STK10: variants seen among roughly 807,000 people sequenced by gnomAD.
STK10 encodes serine/threonine-protein kinase 10.
A neutral mutation model predicts 113.8 loss-of-function variants in STK10; 78 were observed. The ratio of observed to expected loss-of-function variants is 0.69; its 90% CI spans 0.57 to 0.83. The LOEUF (loss-of-function observed/expected upper bound fraction) is 0.83, where lower values mean the gene tolerates loss of function less well. Among genes scored for constraint, STK10 ranks in the 40% least tolerant of loss-of-function variants. STK10 has a pLI of 0.00. For synonymous variants in STK10, 465 were observed against 494.7 expected, an observed-to-expected ratio of 0.94 and a Z score of 0.80; for missense variants, 1,109 against 1,280.1, an observed-to-expected ratio of 0.87 and a Z score of 2.04.
At chr5:172,146,391 G>A (rs1370376438) in intron 2 of STK10, among the ~76,000 whole-genome samples, 1 of 152,198 alleles carries the variant, frequency 6.6e-6, no homozygotes, top group Non-Finnish European at 1.5e-5. Context: ...AACTGCTAAA[G>A]GTTCCACCAG....
intron 1 of STK10, among the ~76,000 whole-genome samples, chr5:172,180,247 A>G (rs767974041): frequency 1.4e-5 from 2 of 146,348 alleles, no homozygotes; most frequent in Non-Finnish European, 3.0e-5. Context: ...GCAGATCACC[A>G]GAAGTCAGGA....
At position 172,096,567 on chromosome 5, in the gene STK10, G is replaced by A; in HGVS notation, c.871-7C>T. The stretch of plus-strand genomic sequence containing the variant: ...TGCTGCTGACGAAGGGATGCTGAGG[G>A]GGCAAGATGCACCCAGATTAGAACC... On this transcript the variant is annotated splice_polypyrimidine_tract_variant and splice_region_variant and intron_variant, in intron 7 of 18. Coordinates refer to ENST00000176763, the MANE Select transcript of STK10 (RefSeq NM_005990.4). 1 of 1,612,548 alleles carries A rather than the reference G, an allele frequency of 6.2e-7. No individual in the cohort carries two copies. Among genetic ancestry groups the A allele is most frequent in the Non-Finnish European group, 8.5e-7 (1 of 1,180,018 alleles).
chr5:172,116,932 G>T (rs1032847423), intron 4 of STK10, among the ~76,000 whole-genome samples: 1 of 151,986 alleles, frequency 6.6e-6, no homozygotes, highest in African/African-American at 2.4e-5. Flanking sequence ...TTCCCTCTGG[G>T]GATGGAGCTG....
intron 4 of STK10, among the ~76,000 whole-genome samples, chr5:172,110,367 A>G (rs1009756653): frequency 1.7e-4 from 26 of 152,296 alleles, no homozygotes; most frequent in Admixed American, 1.6e-3. Flanking sequence ...ACACTGTTCT[A>G]GGCACAGAGA....
intron 1 of STK10, among the ~76,000 whole-genome samples, chr5:172,157,706 C>T (rs955730538): frequency 1.3e-5 from 2 of 151,970 alleles, no homozygotes; most frequent in Non-Finnish European, 2.9e-5. Flanking sequence ...ATTCTCCTGC[C>T]TCAGCCTCCC....
chr5:172,120,089 C>G lies in STK10; in HGVS notation c.371-2459G>C, dbSNP rs552360689. 1.3e-5 allele frequency among the ~76,000 whole-genome samples: 2 copies of G among 152,076 alleles called. No individual in the cohort carries two copies. Among genetic ancestry groups the G allele is most frequent in the Admixed American group, 6.5e-5 (1 of 15,268 alleles). On this transcript the variant is annotated intron_variant, in intron 3 of 18. Coordinates refer to ENST00000176763, the MANE Select transcript of STK10 (RefSeq NM_005990.4). This position sits in a 1 kb window ranked among gnomAD's most constrained non-coding sequence, Gnocchi z 4.0. ...GAGTGAGAAGATTCCAAGGTGACAG[C>G]CTTGTGCTCTGCGTCCCACAGGACT...
At chr5:172,186,164 C>T (rs1770951424) in intron 1 of STK10, among the ~76,000 whole-genome samples, 1 of 152,110 alleles carries the variant, frequency 6.6e-6, no homozygotes, top group African/African-American at 2.4e-5. Flanking sequence ...ATCCCAGCTA[C>T]TTGGGAGGCT....
At chr5:172,071,181 C>T (rs972663881) in intron 12 of STK10, among the ~76,000 whole-genome samples, 14 of 132,552 alleles carry the variant, frequency 1.1e-4, no homozygotes, top group African/African-American at 4.1e-4. Flanking sequence ...TGCTCTCCAG[C>T]CTGGGCGACA....
At chr5:172,105,921 C>T (rs757551442) in intron 6 of STK10, among the ~76,000 whole-genome samples, 184 bp from the exon 7 acceptor site, 11 of 152,158 alleles carry the variant, frequency 7.2e-5, no homozygotes, top group African/African-American at 1.4e-4. Flanking sequence ...CAGATGGGGA[C>T]CCAGACATCG....
intron 4 of STK10, among the ~76,000 whole-genome samples, chr5:172,109,088 C>T (rs74291568): frequency 0.13 from 19,865 of 151,960 alleles, 1,370 homozygotes; most frequent in African/African-American, 0.16. Flanking sequence ...CCCGGCCTTA[C>T]TGATTACTAT....
At chr5:172,057,189 G>C in intron 15 of STK10, 160 bp downstream of exon 15, 1 of 1,016,488 alleles carries the variant, frequency 9.8e-7, no homozygotes, top group Non-Finnish European at 1.4e-6. Context: ...GACGCCCCTG[G>C]AGAACCTCCT....
chr5:172,168,612 C>T (rs2113830698), intron 1 of STK10, among the ~76,000 whole-genome samples: 1 of 152,298 alleles, frequency 6.6e-6, no homozygotes, highest in South Asian at 2.1e-4. Context: ...GGGCAACGAG[C>T]AGCCCGCCTT....
At chr5:172,045,513 A>C (rs1434485889) in intron 18 of STK10, 2 of 447,730 alleles carry the variant, frequency 4.5e-6, no homozygotes, top group Non-Finnish European at 8.9e-6. Context: ...AAAACAAAAT[A>C]CACGTGCCTT....
Position 172,054,392 on chromosome 5 carries a change from T to C in STK10, c.2652+177A>G, listed in dbSNP as rs749398905. Among the ~76,000 whole-genome samples, 44 of 152,234 alleles carry C rather than the reference T, an allele frequency of 2.9e-4. No individual in the cohort carries two copies. The Middle Eastern group carries it at 0.014, about 47-fold the overall frequency. ...AGAGCTATGGCTTAGGAGGGTGATA[T>C]GATTTGCCCAACCTCACAGAGCCCT... On this transcript the variant is annotated intron_variant, in intron 17 of 18. Transcript: ENST00000176763.
chr5:172,106,649 G>GC lies in STK10; in HGVS notation c.758_759insG (p.Asp253GlufsTer10). On this transcript the variant is annotated frameshift_variant, in exon 6 of 19. Coordinates refer to ENST00000176763, the MANE Select transcript of STK10 (RefSeq NM_005990.4). LOFTEE classifies it high-confidence loss of function. ...TAGAGGGCGTGAGCAGCGTGGGAGG[G>GC]TCCGACTTGGCGATCTTTAGCAGGA... The GC allele has an allele frequency of 6.2e-7, 1 of 1,613,114 alleles. No individual in the cohort carries two copies. Among genetic ancestry groups the GC allele is most frequent in the Admixed American group, 1.7e-5 (1 of 60,010 alleles).
intron 18 of STK10, among the ~76,000 whole-genome samples, chr5:172,050,279 G>A (rs147637360): frequency 5.9e-5 from 9 of 152,288 alleles, no homozygotes; most frequent in Admixed American, 3.3e-4. Context: ...GCCTGCTGCC[G>A]GTCAAAGCAT....
chr5:172,127,451 G>C (rs768286828), intron 2 of STK10, 30 bp from the exon 3 acceptor site: 3 of 1,612,282 alleles, frequency 1.9e-6, no homozygotes, highest in Non-Finnish European at 2.5e-6. Flanking sequence ...AAGTGACAAT[G>C]AGTGGGGCTG....
At chr5:172,073,058 C>T (rs1337496409) in intron 12 of STK10, among the ~76,000 whole-genome samples, 1 of 152,182 alleles carries the variant, frequency 6.6e-6, no homozygotes, top group Non-Finnish European at 1.5e-5. Flanking sequence ...CTTGCAGCCT[C>T]GAACTCCTGG....
chr5:172,107,466 G>T (rs1335331494), intron 5 of STK10, among the ~76,000 whole-genome samples: 1 of 152,140 alleles, frequency 6.6e-6, no homozygotes, highest in African/African-American at 2.4e-5. Flanking sequence ...CATACGTGGC[G>T]AATAAATCAC....
Sources: allele counts gnomAD v4.1 joint callset (sites outside exome capture counted in the v4.1 genomes callset), GRCh38; gene constraint gnomAD v4.1.1; non-coding constraint Gnocchi (gnomAD v3.1); transcripts MANE v1.5; gene names NCBI Gene and HGNC (gene_info 2026-07-23, HGNC 2026-07-21).